Variants in ACOXL observed in about 807,000 individuals in gnomAD.
ACOXL encodes acyl-coenzyme A oxidase-like protein.
Under a neutral mutation model 71.9 loss-of-function variants are expected in ACOXL, and 70 were observed. The ratio of observed to expected loss-of-function variants is 0.97; its 90% CI spans 0.80 to 1.19. The LOEUF (loss-of-function observed/expected upper bound fraction) is 1.19. ACOXL is among the 50% of genes most tolerant of loss of function. The pLI is 0.00. For synonymous variants in ACOXL, 253 were observed against 281.6 expected (o/e 0.90, Z 1.02); for missense variants, 703 against 736.3 (o/e 0.95, Z 0.52).
At chr2:111,055,578 C>G (rs1407350760) in intron 16 of ACOXL, among the ~76,000 whole-genome samples, 1 of 152,252 alleles carries the variant, frequency 6.6e-6, no homozygotes, top group Non-Finnish European at 1.5e-5. Flanking sequence ...CCCTCTGCCT[C>G]TCAAGTGGAG....
chr2:110,822,740 T>C (rs1404342407), intron 9 of ACOXL, among the ~76,000 whole-genome samples: 2 of 152,188 alleles, frequency 1.3e-5, no homozygotes, highest in Non-Finnish European at 2.9e-5. Context: ...ATGTGTAGTT[T>C]CGTGTATCTC....
chr2:111,064,719 G>A (rs1444129248), intron 16 of ACOXL, among the ~76,000 whole-genome samples: 5 of 151,928 alleles, frequency 3.3e-5, no homozygotes, highest in South Asian at 2.1e-4. Flanking sequence ...TACTAGTATC[G>A]GACACCTGGA....
rs566647355 is a variant in ACOXL, at chr2:111,118,032, G to C, written c.*216G>C. ...CGGTCGCCTGGTGCGCTGGATCCCT[G>C]TGCCCTTTCCCTGAAACCCAGCCTG... On this transcript the variant is annotated 3_prime_UTR_variant, in exon 18 of 18. Transcript: ENST00000439055. 28 of 618,438 alleles carry C rather than the reference G, an allele frequency of 4.5e-5. No individual in the cohort carries two copies. In the African/African-American group the frequency reaches 4.7e-4, roughly 10 times the overall value. The allele number at this position is 618,438 out of a possible 1,614,324, so 38.3% of individuals were successfully genotyped here.
intron 10 of ACOXL, among the ~76,000 whole-genome samples, chr2:110,862,898 G>A (rs1185713828): frequency 6.6e-6 from 1 of 152,194 alleles, no homozygotes; most frequent in East Asian, 1.9e-4. Flanking sequence ...TTATCCCACA[G>A]GCAACCACCA....
intron 11 of ACOXL, among the ~76,000 whole-genome samples, chr2:110,910,826 GTT>G (rs1035760025): frequency 2.6e-5 from 4 of 152,058 alleles, no homozygotes; most frequent in Admixed American, 2.6e-4. Context: ...ACTTATAAGA[GTT>G]TATTTATAAC....
chr2:110,874,282 G>C (rs570408515), intron 10 of ACOXL, among the ~76,000 whole-genome samples: 7 of 152,196 alleles, frequency 4.6e-5, no homozygotes, highest in Non-Finnish European at 1.0e-4. Context: ...ACGTTGGTTG[G>C]CATCAGCATG....
intron 13 of ACOXL, among the ~76,000 whole-genome samples, chr2:110,993,212 G>A (rs779468564): frequency 6.6e-6 from 1 of 152,134 alleles, no homozygotes; most frequent in Non-Finnish European, 1.5e-5. Flanking sequence ...ACTGAGTTTT[G>A]ACACATGCAT....
chr2:110,879,331 A>G (rs1696329320), intron 10 of ACOXL, among the ~76,000 whole-genome samples: 2 of 152,342 alleles, frequency 1.3e-5, no homozygotes, highest in Middle Eastern at 3.4e-3. Context: ...GTCTTCAGCA[A>G]CAGCTCAAGG....
At chr2:111,110,233 T>C (rs1034314301) in intron 17 of ACOXL, among the ~76,000 whole-genome samples, 1 of 152,192 alleles carries the variant, frequency 6.6e-6, no homozygotes, top group Non-Finnish European at 1.5e-5. Context: ...TCATTAAGAT[T>C]CCTCCTAGAG....
intron 15 of ACOXL, among the ~76,000 whole-genome samples, chr2:111,041,832 G>A (rs1278913872): frequency 3.3e-5 from 5 of 152,210 alleles, no homozygotes; most frequent in Admixed American, 1.3e-4. Context: ...AAAGGGCTCT[G>A]CCATTCAGGA....
intron 1 of ACOXL, among the ~76,000 whole-genome samples, chr2:110,751,133 C>T (rs1243229594): frequency 1.3e-5 from 2 of 151,858 alleles, no homozygotes; most frequent in African/African-American, 4.8e-5. Flanking sequence ...CCCATCTCTA[C>T]TAAAAAAATA....
intron 9 of ACOXL, among the ~76,000 whole-genome samples, chr2:110,838,103 CTA>C (rs1243133745): frequency 6.6e-6 from 1 of 152,138 alleles, no homozygotes; most frequent in African/African-American, 2.4e-5. Context: ...GTGTATGCAC[CTA>C]TATATGAGTG....
chr2:110,826,024 A>C (rs969408921), intron 9 of ACOXL, among the ~76,000 whole-genome samples: 1 of 152,240 alleles, frequency 6.6e-6, no homozygotes, highest in Non-Finnish European at 1.5e-5. Flanking sequence ...AGTCTGATAC[A>C]AAAGGACAGT....
chr2:110,858,238 T>C (rs940999369), intron 10 of ACOXL, among the ~76,000 whole-genome samples: 14 of 152,302 alleles, frequency 9.2e-5, no homozygotes, highest in African/African-American at 2.9e-4. Context: ...ATCCAGGAAA[T>C]GGAGTTTTCT....
At chr2:110,780,800 G>A (rs949978865) in intron 2 of ACOXL, among the ~76,000 whole-genome samples, 2 of 151,986 alleles carry the variant, frequency 1.3e-5, no homozygotes, top group Admixed American at 6.6e-5. Flanking sequence ...TTGAGAGGCC[G>A]AGGCAGGAGG....
At chr2:110,803,673 T>G (rs1686266650) in intron 8 of ACOXL, among the ~76,000 whole-genome samples, 1 of 152,208 alleles carries the variant, frequency 6.6e-6, no homozygotes, top group Middle Eastern at 3.2e-3. Context: ...TAAATTGGAC[T>G]TCATCGAAGT....
intron 12 of ACOXL, among the ~76,000 whole-genome samples, chr2:110,961,261 C>A (rs2061690980): frequency 6.6e-6 from 1 of 152,228 alleles, no homozygotes; most frequent in Admixed American, 6.5e-5. Flanking sequence ...ACTTGACTTT[C>A]AAACTAGAAG....
At chr2:110,748,832 C>G (rs566321622) in intron 1 of ACOXL, among the ~76,000 whole-genome samples, 1 of 152,194 alleles carries the variant, frequency 6.6e-6, no homozygotes, top group East Asian at 1.9e-4. Flanking sequence ...GACTGCTTGG[C>G]CGTGGTTTCA....
intron 1 of ACOXL, among the ~76,000 whole-genome samples, chr2:110,750,467 G>A (rs1280598691): frequency 6.6e-6 from 1 of 151,748 alleles, no homozygotes; most frequent in Non-Finnish European, 1.5e-5. Flanking sequence ...TTTTATTTGA[G>A]AACGGTATTT....
Sources: gnomAD v4.1 joint callset for allele counts (sites outside exome capture counted in the v4.1 genomes callset) on GRCh38, gnomAD v4.1.1 for gene constraint, MANE v1.5 for transcripts, NCBI Gene and HGNC (gene_info 2026-07-23, HGNC 2026-07-21) for gene names.